The following MRPS27 variants were observed in gnomAD, a reference collection of about 807,000 sequenced individuals.
The protein encoded by MRPS27 is small ribosomal subunit protein mS27.
A neutral mutation model predicts 48.9 loss-of-function variants in MRPS27; 43 were observed. The ratio of observed to expected loss-of-function variants is 0.88; its 90% CI spans 0.69 to 1.13. MRPS27 has a LOEUF of 1.13. MRPS27 is among the 50% of genes most tolerant of loss of function. The pLI is 0.00. For synonymous variants in MRPS27, 188 were observed against 171.9 expected, an observed-to-expected ratio of 1.09 and a Z score of -0.73; for missense variants, 467 against 476.3, an observed-to-expected ratio of 0.98 and a Z score of 0.18.
intron 6 of MRPS27, among the ~76,000 whole-genome samples, chr5:72,233,304 G>A (rs1030404304): frequency 1.3e-5 from 2 of 152,088 alleles, no homozygotes; most frequent in Admixed American, 6.6e-5. Flanking sequence ...CAGGCTTTAA[G>A]CAATTTTTAT....
intron 4 of MRPS27, among the ~76,000 whole-genome samples, chr5:72,249,811 C>A (rs1748609345): frequency 6.6e-6 from 1 of 152,078 alleles, no homozygotes; most frequent in Non-Finnish European, 1.5e-5. Flanking sequence ...GAAACCCCGT[C>A]TCTACTAAAA....
At chr5:72,244,687 TTG>T (rs1491039776) in intron 4 of MRPS27, among the ~76,000 whole-genome samples, 31 of 141,042 alleles carry the variant, frequency 2.2e-4, no homozygotes, top group South Asian at 8.4e-4. Flanking sequence ...CAATTTTTTT[TTG>T]TTTTTTTAAG....
chr5:72,251,378 G>A (rs1580071263), intron 4 of MRPS27, among the ~76,000 whole-genome samples: 1 of 152,300 alleles, frequency 6.6e-6, no homozygotes, highest in East Asian at 1.9e-4. Flanking sequence ...TTGCCAGTCA[G>A]GCTGATGACT....
chr5:72,311,947 A>G (rs893628021), intron 2 of MRPS27, among the ~76,000 whole-genome samples: 1 of 152,174 alleles, frequency 6.6e-6, no homozygotes, highest in Admixed American at 6.5e-5. Context: ...AGCCTGGCCA[A>G]TAGGCAAAAC....
rs143913682 is a variant in MRPS27 at position 72,273,828 on chromosome 5, A to C, written c.281+21703T>G. Among the ~76,000 whole-genome samples the C allele has an allele frequency of 2.3e-3, 351 of 152,258 alleles. 2 individuals are homozygous for C. Among genetic ancestry groups the C allele is most frequent in the African/African-American group, 7.7e-3 (318 of 41,538 alleles). On this transcript the variant is annotated intron_variant, in intron 4 of 10. Transcript: ENST00000261413. ...TAAACACAACGTTTAGGCTACACTA[A>C]ATTTATGGAAAGAAATTTCTCGCTA...
At chr5:72,279,881 T>TA (rs1286392635) in intron 4 of MRPS27, among the ~76,000 whole-genome samples, 1 of 151,958 alleles carries the variant, frequency 6.6e-6, no homozygotes, top group Non-Finnish European at 1.5e-5. Context: ...TTAATCTACC[T>TA]AAAAAAAATG....
intron 2 of MRPS27, among the ~76,000 whole-genome samples, chr5:72,303,044 T>A (rs999225749): frequency 1.3e-5 from 2 of 152,194 alleles, no homozygotes; most frequent in Non-Finnish European, 2.9e-5. Flanking sequence ...CTTCACTATA[T>A]AAAATTCTAA....
rs554471202 is a variant in MRPS27, at chr5:72,275,664, G to A, written c.281+19867C>T. Among the ~76,000 whole-genome samples the A allele has an allele frequency of 3.5e-4, 53 of 152,294 alleles. No homozygotes were observed. The South Asian group carries it at 9.7e-3, about 28-fold the overall frequency. ...CTTAGCAAAGCAATTTTACTTCTGC[G>A]CAGAGGGGTGCCTCCTTGGCCAGCT... On this transcript the variant is annotated intron_variant, in intron 4 of 10. Transcript: ENST00000261413.
At chr5:72,266,251 A>T (rs1168474421) in intron 4 of MRPS27, among the ~76,000 whole-genome samples, 1 of 152,198 alleles carries the variant, frequency 6.6e-6, no homozygotes, top group East Asian at 1.9e-4. Flanking sequence ...GACATTCTCA[A>T]AGGCCTCCTT....
chr5:72,244,772 G>A lies in MRPS27; in HGVS notation c.282-6644C>T, dbSNP rs115912875. ...GGCCTCAAGTGATCTTCCTGCCTTG[G>A]CCTCTCATCATGCCTAGCCCTAACT... On this transcript the variant is annotated intron_variant, in intron 4 of 10. Coordinates refer to ENST00000261413, the MANE Select transcript of MRPS27 (RefSeq NM_015084.3). 3.7e-3 allele frequency among the ~76,000 whole-genome samples: 561 copies of A among 151,774 alleles called. 1 individual carries two copies. Among genetic ancestry groups the A allele is most frequent in the African/African-American group, 0.013 (545 of 41,290 alleles).
chr5:72,251,397 G>C (rs997854491), intron 4 of MRPS27, among the ~76,000 whole-genome samples: 6 of 152,170 alleles, frequency 3.9e-5, no homozygotes, highest in African/African-American at 1.4e-4. Flanking sequence ...CTGGTGGCAG[G>C]GTTTCTGATC....
chr5:72,299,396 T>C (rs1338222099), intron 2 of MRPS27, among the ~76,000 whole-genome samples: 1 of 151,344 alleles, frequency 6.6e-6, no homozygotes, highest in African/African-American at 2.4e-5. Context: ...CACAAGCAAG[T>C]GTATTTCCTG....
At chr5:72,289,466 C>A (rs754414460) in intron 4 of MRPS27, among the ~76,000 whole-genome samples, 10 of 151,548 alleles carry the variant, frequency 6.6e-5, no homozygotes, top group Non-Finnish European at 1.2e-4. Flanking sequence ...CTGTCACCTA[C>A]GCTGGAGTAC....
chr5:72,296,395 C>T (rs1446363652), intron 3 of MRPS27, among the ~76,000 whole-genome samples: 1 of 152,176 alleles, frequency 6.6e-6, no homozygotes, highest in African/African-American at 2.4e-5. Context: ...GGTTCAAACA[C>T]AGAACCTGAG....
Position 72,219,483 on chromosome 5 carries a change from C to G in MRPS27, c.*1426G>C, listed in dbSNP as rs1747681927. ...CAAAATCATAGTAACAATAATGAGT[C>G]CCTCTCCCTCCTCCCTTTCCCCAAA... On this transcript the variant is annotated 3_prime_UTR_variant, in exon 11 of 11. Transcript: ENST00000261413. The G allele has an allele frequency of 6.6e-6, 1 of 152,036 alleles. No homozygotes were observed. The highest frequency in any genetic ancestry group is 2.1e-4 in the South Asian group (1 of 4,832). The allele number at this position is 152,036 out of a possible 1,614,324, so 9.4% of individuals were successfully genotyped here.
chr5:72,302,762 A>G (rs1321052190), intron 2 of MRPS27, among the ~76,000 whole-genome samples: 1 of 152,190 alleles, frequency 6.6e-6, no homozygotes, highest in Non-Finnish European at 1.5e-5. Context: ...TCAGTGACTT[A>G]TGGGGACAGA....
intron 4 of MRPS27, among the ~76,000 whole-genome samples, chr5:72,278,551 A>C (rs1198811164): frequency 6.6e-6 from 1 of 151,812 alleles, no homozygotes; most frequent in African/African-American, 2.4e-5. Context: ...ATATTTCCGG[A>C]TCCTACTCCA....
At chr5:72,234,230 G>T (rs1748142387) in intron 5 of MRPS27, 33 bp from the exon 6 acceptor site, 1 of 1,414,206 alleles carries the variant, frequency 7.1e-7, no homozygotes, top group South Asian at 1.5e-5. Context: ...AGGAAAAAAA[G>T]AGAAAATTAT....
intron 1 of MRPS27, 43 bp downstream of exon 1, chr5:72,320,106 A>G (rs1750711718): frequency 2.5e-6 from 4 of 1,596,598 alleles, no homozygotes; most frequent in East Asian, 4.5e-5. Context: ...CCTTCACCCA[A>G]AAAACAGAAT....
Sources: gnomAD v4.1 joint callset for allele counts (sites outside exome capture counted in the v4.1 genomes callset) on GRCh38, gnomAD v4.1.1 for gene constraint, MANE v1.5 for transcripts, NCBI Gene and HGNC (gene_info 2026-07-23, HGNC 2026-07-21) for gene names.